The following PPARA variants were observed in gnomAD, a reference collection of about 807,000 sequenced individuals.
PPARA encodes the protein peroxisome proliferator activated receptor alpha, also known as peroxisome proliferator-activated receptor alpha.
In PPARA, 22 loss-of-function variants were observed where a neutral mutation model predicts 42.2. That is an observed-to-expected ratio of 0.52 (90% CI 0.37 to 0.74). The LOEUF (loss-of-function observed/expected upper bound fraction) is 0.74. Among genes scored for constraint, PPARA ranks in the 30% least tolerant of loss-of-function variants. The probability of loss-of-function intolerance (pLI) is 0.00; values close to 1 mark genes in which losing one functional copy is unlikely to be tolerated. For synonymous variants in PPARA, 242 were observed against 239.3 expected, an observed-to-expected ratio of 1.01 and a Z score of -0.10; for missense variants, 465 against 608.2, an observed-to-expected ratio of 0.76 and a Z score of 2.48.
In PPARA at chr22:46,237,610, CA is replaced by C. The variant is rs571817655; in HGVS notation, c.*2246del. 2,913 of 105,810 alleles carry C rather than the reference CA, an allele frequency of 0.028. 19 individuals carry two copies. Among genetic ancestry groups the C allele is most frequent in the African/African-American group, 0.034 (1,039 of 30,668 alleles). 6.6% of individuals were successfully genotyped at this position (105,810 alleles called of 1,614,324 possible). A position where few individuals can be genotyped will look rare whatever the true frequency, so the allele number is the denominator to read the frequency against. On this transcript the variant is annotated 3_prime_UTR_variant, in exon 9 of 9. Coordinates refer to ENST00000407236, the MANE Select transcript of PPARA (RefSeq NM_005036.6). The surrounding 1 kb of genome is among the most constrained non-coding windows in gnomAD (Gnocchi z 6.7). ...TAGATTCCACCCTCTCCCACCCCGG[CA>C]AAAAAAAAAAAAAAAGATGCAATCA...
chr22:46,194,897 T>C (rs7287027), intron 3 of PPARA, among the ~76,000 whole-genome samples: 15,495 of 141,668 alleles, frequency 0.11, 904 homozygotes, highest in Admixed American at 0.21. Flanking sequence ...TTCTTTCTTT[T>C]TTTTTTTTTT....
chr22:46,187,406 C>G lies in PPARA; in HGVS notation c.-43+10570C>G, dbSNP rs1930967519. Among the ~76,000 whole-genome samples, 1 of 152,232 alleles carries G rather than the reference C, an allele frequency of 6.6e-6. No homozygotes were observed. Among genetic ancestry groups the G allele is most frequent in the Admixed American group, 6.5e-5 (1 of 15,280 alleles). ...CCAGAGCATACATTCATCCTAGACT[C>G]TGTCCCAGGTCCCTGGTCCAGGCAG... On this transcript the variant is annotated intron_variant, in intron 3 of 8. Transcript: ENST00000407236. This position sits in a 1 kb window ranked among gnomAD's most constrained non-coding sequence, Gnocchi z 4.9.
chr22:46,185,218 G>C (rs1410075885), intron 3 of PPARA, among the ~76,000 whole-genome samples: 2 of 152,128 alleles, frequency 1.3e-5, no homozygotes, highest in African/African-American at 4.8e-5. Flanking sequence ...TACTTTCTGT[G>C]AGATCAGGCC....
Position 46,171,071 on chromosome 22 carries a change from G to A in PPARA, c.-126-5682G>A, listed in dbSNP as rs1167010271. Among the ~76,000 whole-genome samples, 1 of 152,040 alleles carries A rather than the reference G, an allele frequency of 6.6e-6. No homozygotes were observed. Among genetic ancestry groups the A allele is most frequent in the Non-Finnish European group, 1.5e-5 (1 of 68,008 alleles). On this transcript the variant is annotated intron_variant, in intron 2 of 8. Transcript: ENST00000407236. This position sits in a 1 kb window ranked among gnomAD's most constrained non-coding sequence, Gnocchi z 5.0. ...AGCTACTTGGGAGGCTGAGGCAGGA[G>A]AATTGCTTGAGCCCAGGAGGCAGAG...
At chr22:46,209,463 T>C (rs1054703076) in intron 4 of PPARA, among the ~76,000 whole-genome samples, 1 of 136,728 alleles carries the variant, frequency 7.3e-6, no homozygotes, top group Non-Finnish European at 1.6e-5. Context: ...TTAGGCCACT[T>C]GAAGTTGTCA....
At chr22:46,154,086 C>T (rs1924887112) in intron 2 of PPARA, among the ~76,000 whole-genome samples, 1 of 152,158 alleles carries the variant, frequency 6.6e-6, no homozygotes, top group South Asian at 2.1e-4. Context: ...TTAATACAGT[C>T]ATTCTATAAA....
chr22:46,194,763 G>A (rs570858020), intron 3 of PPARA, among the ~76,000 whole-genome samples: 10 of 151,514 alleles, frequency 6.6e-5, no homozygotes, highest in South Asian at 2.1e-4. Flanking sequence ...TAGTAGAGAC[G>A]GGGTTTCACC....
At chr22:46,158,290 C>G (rs537903724) in intron 2 of PPARA, among the ~76,000 whole-genome samples, 2 of 152,120 alleles carry the variant, frequency 1.3e-5, no homozygotes, top group African/African-American at 4.8e-5. Flanking sequence ...GCCTGTAATC[C>G]CAGCTACTCA....
At chr22:46,189,941 G>A (rs1050065914) in intron 3 of PPARA, among the ~76,000 whole-genome samples, 4 of 152,058 alleles carry the variant, frequency 2.6e-5, no homozygotes, top group African/African-American at 7.2e-5. Context: ...TCTTGACCTC[G>A]TGATCCGCCC....
chr22:46,218,887 G>C (rs1410700264), intron 6 of PPARA, among the ~76,000 whole-genome samples: 1 of 149,312 alleles, frequency 6.7e-6, no homozygotes, highest in Admixed American at 6.7e-5. Flanking sequence ...AGTCTCCCAG[G>C]TGCGGTGGTT....
rs1348305288 is a variant in PPARA, at chr22:46,173,430, G to A, written c.-126-3323G>A. 6.6e-6 allele frequency among the ~76,000 whole-genome samples: 1 copy of A among 152,206 alleles called. No homozygotes were observed. The highest frequency in any genetic ancestry group is 2.4e-5 in the African/African-American group (1 of 41,458). On this transcript the variant is annotated intron_variant, in intron 2 of 8. Transcript: ENST00000407236. The surrounding 1 kb of genome is among the most constrained non-coding windows in gnomAD (Gnocchi z 4.3). ...GGATGGGACATGGGATATACCTCGA[G>A]TTAGAGGTTCTTATTAACTGTGGAT...
At chr22:46,205,551 TA>T (rs1374457439) in intron 4 of PPARA, among the ~76,000 whole-genome samples, 426 of 32,438 alleles carry the variant, frequency 0.013, 8 homozygotes, top group African/African-American at 0.024. Context: ...TATATATATA[TA>T]TATTTTTTTT....
At position 46,196,402 on chromosome 22, in the gene PPARA, G is replaced by A. The variant is rs902646956; in HGVS notation, c.-42-1940G>A. Among the ~76,000 whole-genome samples the A allele has an allele frequency of 6.6e-6, 1 of 152,216 alleles. No homozygotes were observed. Among genetic ancestry groups the A allele is most frequent in the African/African-American group, 2.4e-5 (1 of 41,458 alleles). On this transcript the variant is annotated intron_variant, in intron 3 of 8. Coordinates refer to ENST00000407236, the MANE Select transcript of PPARA (RefSeq NM_005036.6). This position sits in a 1 kb window ranked among gnomAD's most constrained non-coding sequence, Gnocchi z 5.6. ...ACAGGGAGAGCACACCAAAGTGGAT[G>A]TCACACCCAGCACACATGCCACCGG... is the stretch of plus-strand genomic sequence containing the variant.
At chr22:46,199,590 G>C (rs1287578664) in intron 4 of PPARA, among the ~76,000 whole-genome samples, 1 of 152,174 alleles carries the variant, frequency 6.6e-6, no homozygotes. Flanking sequence ...GCTGCCATGA[G>C]CTATGACTGC....
rs1253159065 is a variant in PPARA, at chr22:46,187,090, A to G, written c.-43+10254A>G. On this transcript the variant is annotated intron_variant, in intron 3 of 8. Transcript: ENST00000407236. The surrounding 1 kb of genome is among the most constrained non-coding windows in gnomAD (Gnocchi z 4.9). ...TGTATAAGGTGGAGTTTTCAAGGTCATAGCACTGCCTTCCCCTGAGGTTGG... is the reference window on the plus strand; with the variant it reads ...TGTATAAGGTGGAGTTTTCAAGGTCGTAGCACTGCCTTCCCCTGAGGTTGG... Among the ~76,000 whole-genome samples the G allele has an allele frequency of 6.6e-6, 1 of 152,222 alleles. No individual in the cohort carries two copies. The highest frequency in any genetic ancestry group is 1.5e-5 in the Non-Finnish European group (1 of 68,028).
chr22:46,229,364 G>A (rs556348698), intron 7 of PPARA, among the ~76,000 whole-genome samples: 10 of 151,946 alleles, frequency 6.6e-5, no homozygotes, highest in South Asian at 4.2e-4. Context: ...GACCAGCCTG[G>A]GTAACAAGGT....
At position 46,216,490 on chromosome 22, in the gene PPARA, G is replaced by A. The variant is rs2147560290; in HGVS notation, c.369+1157G>A. On this transcript the variant is annotated intron_variant, in intron 5 of 8. Transcript: ENST00000407236. The surrounding 1 kb of genome is among the most constrained non-coding windows in gnomAD (Gnocchi z 4.5). ...CGTTGATCTCTGGAGCCTCCCTGAA[G>A]GCCAGGTGGGGCAGGTGTTCTCATG... Among the ~76,000 whole-genome samples, 1 of 152,254 alleles carries A rather than the reference G, an allele frequency of 6.6e-6. No homozygotes were observed. The highest frequency in any genetic ancestry group is 1.5e-5 in the Non-Finnish European group (1 of 68,032).
At position 46,184,716 on chromosome 22, in the gene PPARA, G is replaced by A. The variant is rs956558085; in HGVS notation, c.-43+7880G>A. Among the ~76,000 whole-genome samples the A allele has an allele frequency of 7.9e-5, 12 of 152,148 alleles. No homozygotes were observed. The highest frequency in any genetic ancestry group is 1.3e-4 in the Non-Finnish European group (9 of 68,014). ...CAAAAAATACAAAAATTAGCCAGGC[G>A]TGGTGGCGCACGCCTGTAGTACCAG... On this transcript the variant is annotated intron_variant, in intron 3 of 8. Coordinates refer to ENST00000407236, the MANE Select transcript of PPARA (RefSeq NM_005036.6). The surrounding 1 kb of genome is among the most constrained non-coding windows in gnomAD (Gnocchi z 4.4).
rs1002027562 is a variant in PPARA at position 46,200,084 on chromosome 22, A to G, written c.208+1493A>G. 2.6e-5 allele frequency among the ~76,000 whole-genome samples: 4 copies of G among 152,174 alleles called. No homozygotes were observed. The highest frequency in any genetic ancestry group is 5.9e-5 in the Non-Finnish European group (4 of 68,034). On this transcript the variant is annotated intron_variant, in intron 4 of 8. Transcript: ENST00000407236. This position sits in a 1 kb window ranked among gnomAD's most constrained non-coding sequence, Gnocchi z 4.8. ...CACTGGTGGAAACAGACATACACCTATTGCAAAGGGCATCTCAGCTTTAAG... is the reference window on the plus strand; with the variant it reads ...CACTGGTGGAAACAGACATACACCTGTTGCAAAGGGCATCTCAGCTTTAAG...
Sources: allele counts gnomAD v4.1 joint callset (sites outside exome capture counted in the v4.1 genomes callset), GRCh38; gene constraint gnomAD v4.1.1; non-coding constraint Gnocchi (gnomAD v3.1); transcripts MANE v1.5; gene names NCBI Gene and HGNC (gene_info 2026-07-23, HGNC 2026-07-21).